Variants in TECPR2 observed in about 807,000 individuals in gnomAD.
The protein encoded by TECPR2 is tectonin beta-propeller repeat containing 2.
In TECPR2, 65 loss-of-function variants were observed where a neutral mutation model predicts 138.1. The observed-to-expected ratio is 0.47, with a 90% confidence interval of 0.39 to 0.58. The LOEUF (loss-of-function observed/expected upper bound fraction) is 0.58. TECPR2 is among the 20% of genes least tolerant of loss of function. TECPR2 has a pLI of 0.00. For missense variants in TECPR2, 1,553 were observed against 1,824.5 expected (o/e 0.85, Z 2.71); for synonymous variants, 746 against 749.8 (o/e 0.99, Z 0.08).
chr14:102,490,189 G>A (rs1182528466), intron 17 of TECPR2, among the ~76,000 whole-genome samples: 1 of 152,194 alleles, frequency 6.6e-6, no homozygotes, highest in Non-Finnish European at 1.5e-5. Flanking sequence ...CTGCTCCCAA[G>A]ATCCTGTGCT....
Position 102,499,429 on chromosome 14 carries a change from C to T in TECPR2, c.*1172C>T, listed in dbSNP as rs973760469. 2.1e-5 allele frequency: 12 copies of T among 574,866 alleles called. No homozygotes were observed. The East Asian group carries it at 3.5e-4, about 17-fold the overall frequency. The allele number at this position is 574,866 out of a possible 1,614,324, so 35.6% of individuals were successfully genotyped here. ...AACAGTGGAAGCCCTTTGTTCCTTC[C>T]CGGGTTTGTCCTGAGCCTGCACTGT... On this transcript the variant is annotated 3_prime_UTR_variant, in exon 20 of 20. Coordinates refer to ENST00000359520, the MANE Select transcript of TECPR2 (RefSeq NM_014844.5).
At chr14:102,452,688 C>A in intron 16 of TECPR2, 61 bp downstream of exon 16, 2 of 1,383,356 alleles carry the variant, frequency 1.4e-6, no homozygotes, top group Non-Finnish European at 1.0e-6. Context: ...GGCATCACAA[C>A]GTGATGTCGG....
At chr14:102,426,066 T>C (rs1889312889) in intron 6 of TECPR2, among the ~76,000 whole-genome samples, 1 of 151,796 alleles carries the variant, frequency 6.6e-6, no homozygotes, top group Non-Finnish European at 1.5e-5. Flanking sequence ...TTTGTATTTT[T>C]AGTAGAGACA....
At chr14:102,493,327 C>T (rs997754006) in intron 17 of TECPR2, among the ~76,000 whole-genome samples, 1 of 152,022 alleles carries the variant, frequency 6.6e-6, no homozygotes, top group Non-Finnish European at 1.5e-5. Flanking sequence ...CTCCACGCGG[C>T]CTTCCGAGTG....
intron 2 of TECPR2, among the ~76,000 whole-genome samples, chr14:102,388,387 T>G (rs1014395193): frequency 6.6e-6 from 1 of 152,210 alleles, no homozygotes; most frequent in Non-Finnish European, 1.5e-5. Context: ...GGTTTTTTTT[T>G]AGTGTTAATT....
intron 2 of TECPR2, among the ~76,000 whole-genome samples, chr14:102,405,258 A>C (rs1489981787): frequency 6.6e-6 from 1 of 152,108 alleles, no homozygotes; most frequent in Non-Finnish European, 1.5e-5. Flanking sequence ...GCAGTGAGCC[A>C]AGGTTGCACC....
intron 16 of TECPR2, among the ~76,000 whole-genome samples, chr14:102,459,591 G>A (rs1180706719): frequency 6.6e-6 from 1 of 152,110 alleles, no homozygotes; most frequent in East Asian, 1.9e-4. Context: ...CCAACATGGT[G>A]AAACCCCGTC....
At chr14:102,408,439 G>C (rs573676961) in intron 3 of TECPR2, 49 bp from the exon 4 acceptor site, 1 of 1,565,782 alleles carries the variant, frequency 6.4e-7, no homozygotes, top group East Asian at 2.3e-5. Flanking sequence ...CCAGCTCACA[G>C]CATTTATCCT....
chr14:102,466,140 G>A (rs536803387), intron 17 of TECPR2, among the ~76,000 whole-genome samples: 11 of 152,230 alleles, frequency 7.2e-5, no homozygotes, highest in African/African-American at 1.7e-4. Flanking sequence ...TTTGGTCATG[G>A]TGAGGCCTCA....
In TECPR2 at chr14:102,399,177, G is replaced by A. The variant is rs145796311; in HGVS notation, c.220-8161G>A. Among the ~76,000 whole-genome samples, 496 of 152,276 alleles carry A rather than the reference G, an allele frequency of 3.3e-3. 7 individuals are homozygous for A. The highest frequency in any genetic ancestry group is 0.011 in the African/African-American group (469 of 41,566). On this transcript the variant is annotated intron_variant, in intron 2 of 19. Coordinates refer to ENST00000359520, the MANE Select transcript of TECPR2 (RefSeq NM_014844.5). ...TCTGGGTGCCTGAGGCACAAGAATC[G>A]CTTGAATCTGGGAGGCAGAGGTTGC...
chr14:102,434,974 G>A lies in TECPR2; in HGVS notation c.2157G>A (p.Gly719=), dbSNP rs142899668. Residue 719 remains glycine (G), a synonymous_variant, in exon 9 of 20, where the codon GGG becomes GGA. Coordinates refer to ENST00000359520, the MANE Select transcript of TECPR2 (RefSeq NM_014844.5). ...TACCCATTTCTGAACGTGTCTTGGG[G>A]AGTGTGGGAGGACAGCTGACTCCGG... ...KEIPISERVL[G]SVGGQLTPVS... 4.6e-5 allele frequency: 74 copies of A among 1,613,990 alleles called. No homozygotes were observed. The highest frequency in any genetic ancestry group is 6.3e-5 in the Non-Finnish European group (74 of 1,180,046).
intron 1 of TECPR2, among the ~76,000 whole-genome samples, chr14:102,374,577 C>G (rs761968544): frequency 4.6e-5 from 7 of 151,970 alleles, no homozygotes; most frequent in Non-Finnish European, 1.0e-4. Context: ...GCCTAGGCAA[C>G]ATAGTGAAAC....
chr14:102,480,542 CAG>C (rs1455808509), intron 17 of TECPR2, among the ~76,000 whole-genome samples: 2 of 150,638 alleles, frequency 1.3e-5, no homozygotes, highest in Non-Finnish European at 3.0e-5. Context: ...ATTTTTGAGA[CAG>C]AGTCTCAGTC....
chr14:102,394,964 G>C (rs1210194429), intron 2 of TECPR2, among the ~76,000 whole-genome samples: 2 of 152,140 alleles, frequency 1.3e-5, no homozygotes, highest in African/African-American at 4.8e-5. Context: ...CCGCCGTCCT[G>C]TCCTGCTCCT....
intron 17 of TECPR2, among the ~76,000 whole-genome samples, chr14:102,478,904 C>T (rs1890824763): frequency 6.6e-6 from 1 of 151,538 alleles, no homozygotes; most frequent in Admixed American, 6.6e-5. Context: ...GTAATTTCAG[C>T]TACTCGGGAG....
rs1384864058 is a variant in TECPR2 at position 102,434,980 on chromosome 14, G to T, written c.2163G>T (p.Val721=). ...IPISERVLGS[V]GGQLTPVSAL... ...TTTCTGAACGTGTCTTGGGGAGTGT[G>T]GGAGGACAGCTGACTCCGGTCTCTG... Residue 721 remains valine, a synonymous_variant, in exon 9 of 20, where the codon GTG becomes GTT. Transcript: ENST00000359520. 1.2e-6 allele frequency: 2 copies of T among 1,614,026 alleles called. No individual in the cohort carries two copies. Among genetic ancestry groups the T allele is most frequent in the Non-Finnish European group, 1.7e-6 (2 of 1,180,040 alleles).
At chr14:102,477,314 G>A (rs1890786513) in intron 17 of TECPR2, among the ~76,000 whole-genome samples, 1 of 150,554 alleles carries the variant, frequency 6.6e-6, no homozygotes, top group Admixed American at 6.6e-5. Flanking sequence ...AGGTTGTGGT[G>A]AACCGTGATG....
chr14:102,456,268 A>G (rs548284590), intron 16 of TECPR2, among the ~76,000 whole-genome samples: 3 of 152,322 alleles, frequency 2.0e-5, no homozygotes, highest in African/African-American at 7.2e-5. Context: ...CAGGGAGGAC[A>G]AATCCAGCAT....
Position 102,432,038 on chromosome 14 carries a change from A to G in TECPR2, c.1327A>G (p.Arg443Gly), listed in dbSNP as rs199977652. The change falls in exon 8 of 20, where the codon AGA becomes GGA. Residue 443 changes from arginine (R) to glycine (G), a missense_variant. Transcript: ENST00000359520. ...LGKGSQPLSQ[R>G]FNAISSEDFD... Reference sequence around the variant, plus strand: ...CAAGGGCAGCCAGCCCCTGTCACAGAGATTCAACGCCATCAGCTCAGAGGA... The same window carrying G: ...CAAGGGCAGCCAGCCCCTGTCACAGGGATTCAACGCCATCAGCTCAGAGGA... 74 of 1,612,860 alleles carry G rather than the reference A, an allele frequency of 4.6e-5. No homozygotes were observed. Among genetic ancestry groups the G allele is most frequent in the Non-Finnish European group, 5.9e-5 (70 of 1,179,960 alleles).
Sources: gnomAD v4.1 joint callset for allele counts (sites outside exome capture counted in the v4.1 genomes callset) on GRCh38, gnomAD v4.1.1 for gene constraint, MANE v1.5 for transcripts, NCBI Gene and HGNC (gene_info 2026-07-23, HGNC 2026-07-21) for gene names.